Variants in GALNT17 observed in about 807,000 individuals in gnomAD.
The protein encoded by GALNT17 is polypeptide N-acetylgalactosaminyltransferase 17, also known as UDP-GalNAc:polypeptide N-acetylgalactosaminyltransferase-like 3.
A neutral mutation model predicts 63.7 loss-of-function variants in GALNT17; 29 were observed. The ratio of observed to expected loss-of-function variants is 0.46; its 90% CI spans 0.34 to 0.62. GALNT17 has a LOEUF of 0.62. GALNT17 is among the 20% of genes least tolerant of loss of function. GALNT17 has a pLI of 0.01. For missense variants in GALNT17, 603 were observed against 799.6 expected (o/e 0.75, Z 2.97); for synonymous variants, 305 against 318.3 (o/e 0.96, Z 0.45).
At chr7:71,505,995 C>A (rs550991054) in intron 5 of GALNT17, among the ~76,000 whole-genome samples, 2 of 152,254 alleles carry the variant, frequency 1.3e-5, no homozygotes, top group African/African-American at 4.8e-5. Context: ...TTGGCTACAG[C>A]AAAACCAAGA....
chr7:71,435,791 C>A (rs972092391), intron 5 of GALNT17, among the ~76,000 whole-genome samples: 25 of 151,962 alleles, frequency 1.6e-4, no homozygotes, highest in African/African-American at 5.8e-4. Flanking sequence ...AGGCCGAGAC[C>A]GGTGGATCAT....
chr7:71,171,361 A>C (rs1415921501), intron 1 of GALNT17, among the ~76,000 whole-genome samples: 1 of 152,208 alleles, frequency 6.6e-6, no homozygotes, highest in Non-Finnish European at 1.5e-5. Context: ...AAAAAAATTA[A>C]AAATAAAAAT....
At chr7:71,206,528 A>G (rs1488764400) in intron 1 of GALNT17, among the ~76,000 whole-genome samples, 1 of 152,126 alleles carries the variant, frequency 6.6e-6, no homozygotes, top group Admixed American at 6.5e-5. Context: ...ATAAAAACCC[A>G]CTTCCCAAAT....
In GALNT17 at chr7:71,670,116, C is replaced by G; in HGVS notation, c.1404+7C>G. 1 of 1,613,956 alleles carries G rather than the reference C, an allele frequency of 6.2e-7. No individual in the cohort carries two copies. Among genetic ancestry groups the G allele is most frequent in the Non-Finnish European group, 8.5e-7 (1 of 1,179,898 alleles). On this transcript the variant is annotated splice_region_variant and intron_variant, in intron 8 of 10. Transcript: ENST00000333538. ...TACCGTTGCTTACGGGGAGGTAATT[C>G]AGACCGTGCATGCTTTTGGCTTGGA...
chr7:71,298,269 C>CT (rs1791120127), intron 1 of GALNT17, among the ~76,000 whole-genome samples: 1 of 152,178 alleles, frequency 6.6e-6, no homozygotes, highest in Non-Finnish European at 1.5e-5. Context: ...ATCCACCTGC[C>CT]TGGGCCTCCC....
intron 5 of GALNT17, among the ~76,000 whole-genome samples, chr7:71,451,631 T>A (rs1787264516): frequency 6.6e-6 from 1 of 152,118 alleles, no homozygotes; most frequent in African/African-American, 2.4e-5. Flanking sequence ...TGAGTTGAAA[T>A]CTCAGTTCAT....
intron 5 of GALNT17, among the ~76,000 whole-genome samples, chr7:71,426,653 G>A (rs886619405): frequency 6.6e-6 from 1 of 152,166 alleles, no homozygotes; most frequent in African/African-American, 2.4e-5. Context: ...AGAGGCGGTG[G>A]CTCACACCTT....
chr7:71,185,665 G>A (rs1265583047), intron 1 of GALNT17, among the ~76,000 whole-genome samples: 3 of 151,584 alleles, frequency 2.0e-5, no homozygotes, highest in Non-Finnish European at 4.4e-5. Flanking sequence ...CCACCACCAC[G>A]CCTAGCTAAT....
chr7:71,432,569 G>A (rs1786887097), intron 5 of GALNT17, among the ~76,000 whole-genome samples: 1 of 152,094 alleles, frequency 6.6e-6, no homozygotes, highest in South Asian at 2.1e-4. Context: ...GATTGTGCGG[G>A]GTTTAGACAA....
chr7:71,388,548 A>G (rs1279241423), intron 3 of GALNT17, 147 bp downstream of exon 3: 10 of 1,039,796 alleles, frequency 9.6e-6, no homozygotes, highest in South Asian at 5.5e-5. Context: ...TTTTTTTGAG[A>G]TGGAGTCTTG....
chr7:71,711,882 C>G (rs1311388126), intron 10 of GALNT17, 136 bp from the exon 11 acceptor site: 1 of 945,288 alleles, frequency 1.1e-6, no homozygotes, highest in Non-Finnish European at 1.6e-6. Context: ...TTCTCTGTCT[C>G]TCTCTTTCTC....
chr7:71,374,547 G>A (rs1792685149), intron 2 of GALNT17, among the ~76,000 whole-genome samples: 1 of 152,310 alleles, frequency 6.6e-6, no homozygotes, highest in African/African-American at 2.4e-5. Context: ...AGCAAGCTAT[G>A]TGGCCAAGCC....
intron 1 of GALNT17, among the ~76,000 whole-genome samples, chr7:71,136,901 C>T (rs566581256): frequency 6.6e-6 from 1 of 152,186 alleles, no homozygotes; most frequent in South Asian, 2.1e-4. Flanking sequence ...ATCCTCCCAC[C>T]TCAGCCTCCC....
chr7:71,596,022 C>G (rs1789880367), intron 6 of GALNT17, among the ~76,000 whole-genome samples: 1 of 151,942 alleles, frequency 6.6e-6, no homozygotes, highest in Non-Finnish European at 1.5e-5. Flanking sequence ...GGATTGATTT[C>G]TTGATTTGTT....
chr7:71,619,084 T>C (rs907366945), intron 6 of GALNT17, among the ~76,000 whole-genome samples: 1 of 152,234 alleles, frequency 6.6e-6, no homozygotes, highest in Admixed American at 6.5e-5. Context: ...TGCTCATTGC[T>C]TCTTTTTGGC....
At chr7:71,137,745 C>T (rs1050315993) in intron 1 of GALNT17, among the ~76,000 whole-genome samples, 1 of 152,134 alleles carries the variant, frequency 6.6e-6, no homozygotes, top group Admixed American at 6.5e-5. Flanking sequence ...TCGAGGCCCT[C>T]GGAAGTGAGC....
intron 6 of GALNT17, among the ~76,000 whole-genome samples, chr7:71,645,048 G>T (rs1189543417): frequency 6.6e-6 from 1 of 152,176 alleles, no homozygotes; most frequent in African/African-American, 2.4e-5. Context: ...TTCAACCATG[G>T]CAGGGTTGTG....
At chr7:71,544,834 A>G (rs1788954889) in intron 5 of GALNT17, among the ~76,000 whole-genome samples, 1 of 140,008 alleles carries the variant, frequency 7.1e-6, no homozygotes, top group East Asian at 2.0e-4. Context: ...AGTTTCTTAC[A>G]TCTTTCTGAG....
intron 5 of GALNT17, among the ~76,000 whole-genome samples, chr7:71,429,253 A>G (rs1786817031): frequency 6.6e-6 from 1 of 152,150 alleles, no homozygotes; most frequent in Non-Finnish European, 1.5e-5. Context: ...CTGATTGGGA[A>G]AGAAAGACCC....
Sources: gnomAD v4.1 joint callset for allele counts (sites outside exome capture counted in the v4.1 genomes callset) on GRCh38, gnomAD v4.1.1 for gene constraint, MANE v1.5 for transcripts, NCBI Gene and HGNC (gene_info 2026-07-23, HGNC 2026-07-21) for gene names.